MMS22L: variants seen among roughly 807,000 people sequenced by gnomAD.
The protein encoded by MMS22L is MMS22 like, DNA repair protein, also known as protein MMS22-like.
Under a neutral mutation model 159.1 loss-of-function variants are expected in MMS22L, and 74 were observed. The observed-to-expected ratio is 0.47, with a 90% confidence interval of 0.39 to 0.56. MMS22L has a LOEUF of 0.56. Among genes scored for constraint, MMS22L ranks in the 20% least tolerant of loss-of-function variants. The probability of loss-of-function intolerance (pLI) is 0.00; values close to 1 mark genes in which losing one functional copy is unlikely to be tolerated. For missense variants in MMS22L, 1,351 were observed against 1,422.1 expected, an observed-to-expected ratio of 0.95 and a Z score of 0.80; for synonymous variants, 517 against 506.9, an observed-to-expected ratio of 1.02 and a Z score of -0.27.
At chr6:97,278,024 A>G (rs1168304812) in intron 4 of MMS22L, among the ~76,000 whole-genome samples, 2 of 152,204 alleles carry the variant, frequency 1.3e-5, no homozygotes, top group African/African-American at 4.8e-5. Flanking sequence ...TGACAAGGCC[A>G]TGATTCTAAA....
chr6:97,185,132 G>A (rs1025163615), intron 15 of MMS22L, among the ~76,000 whole-genome samples: 5 of 151,774 alleles, frequency 3.3e-5, no homozygotes, highest in African/African-American at 1.2e-4. Flanking sequence ...AATCACAACT[G>A]CCTCTGGCCT....
chr6:97,168,134 T>C lies in MMS22L; in HGVS notation c.2946A>G (p.Gln982=). 1 of 1,613,282 alleles carries C rather than the reference T, an allele frequency of 6.2e-7. No homozygotes were observed. The highest frequency in any genetic ancestry group is 1.1e-5 in the South Asian group (1 of 91,024). Residue 982 remains glutamine, a synonymous_variant, in exon 20 of 25, where the codon CAA becomes CAG. Transcript: ENST00000683635. ...CLLLPHAVLQ[Q]EKELPAPMLS... is the part of the protein sequence containing the mutation. ...ACATAGGTGCAGGCAGTTCCTTCTC[T>C]TGCTGTAATACTGCATGTGGCAGCA... is the stretch of plus-strand genomic sequence containing the variant.
chr6:97,153,364 CTTTTTTTTTTT>C (rs59258093), intron 22 of MMS22L, among the ~76,000 whole-genome samples: 4,483 of 78,650 alleles, frequency 0.057, 113 homozygotes, highest in Middle Eastern at 0.17. Context: ...CTCTACAGAT[CTTTTTTTTTTT>C]TTTTTTTTTT....
intron 18 of MMS22L, among the ~76,000 whole-genome samples, chr6:97,177,355 T>TTGG (rs2128264637): frequency 6.6e-6 from 1 of 152,294 alleles, no homozygotes; most frequent in Non-Finnish European, 1.5e-5. Flanking sequence ...ATTTTAGTCT[T>TTGG]TGTGTATGTC....
intron 24 of MMS22L, among the ~76,000 whole-genome samples, chr6:97,148,308 ATTG>A (rs1801011333): frequency 6.6e-6 from 1 of 152,196 alleles, no homozygotes; most frequent in African/African-American, 2.4e-5. Context: ...TTTACTTTTT[ATTG>A]TTATTTTAGA....
At chr6:97,227,541 A>T (rs181101651) in intron 14 of MMS22L, among the ~76,000 whole-genome samples, 90 of 152,360 alleles carry the variant, frequency 5.9e-4, no homozygotes, top group African/African-American at 2.1e-3. Context: ...AAATAAAACA[A>T]AGTTGGCATT....
rs1247382659 is a variant in MMS22L, at chr6:97,144,088, A to G, written c.*2718T>C. On this transcript the variant is annotated 3_prime_UTR_variant, in exon 25 of 25. Coordinates refer to ENST00000683635, the MANE Select transcript of MMS22L (RefSeq NM_001350599.2). ...ACAGAGCAAGACTCTGCCTCAAAAC[A>G]ACAACAACAACAACAACAAAAAAAA... is the stretch of plus-strand genomic sequence containing the variant. 8.8e-6 allele frequency: 1 copy of G among 113,766 alleles called. No individual in the cohort carries two copies. The highest frequency in any genetic ancestry group is 1.8e-5 in the Non-Finnish European group (1 of 55,916). 7.0% of individuals were successfully genotyped at this position (113,766 alleles called of 1,614,324 possible).
At chr6:97,196,237 G>C (rs1377674133) in intron 14 of MMS22L, among the ~76,000 whole-genome samples, 2 of 152,066 alleles carry the variant, frequency 1.3e-5, no homozygotes, top group Admixed American at 6.6e-5. Context: ...GGTATGTAAA[G>C]AGTAAAAAAC....
rs781320869 is a variant in MMS22L at position 97,272,687 on chromosome 6, A to C, written c.606+17T>G. Reference sequence around the variant, plus strand: ...GAAAAAGCTGATAATTTAAAAATCAAATGAAACAAGTCAAACCTTAATCTG... The same window carrying C: ...GAAAAAGCTGATAATTTAAAAATCACATGAAACAAGTCAAACCTTAATCTG... On this transcript the variant is annotated intron_variant, in intron 6 of 24. Coordinates refer to ENST00000683635, the MANE Select transcript of MMS22L (RefSeq NM_001350599.2). 1 of 1,590,796 alleles carries C rather than the reference A, an allele frequency of 6.3e-7. No homozygotes were observed. The highest frequency in any genetic ancestry group is 2.2e-5 in the East Asian group (1 of 44,646).
chr6:97,254,765 A>C (rs766456017), intron 9 of MMS22L, 32 bp from the exon 10 acceptor site: 6 of 1,514,208 alleles, frequency 4.0e-6, no homozygotes, highest in East Asian at 4.6e-5. Flanking sequence ...GATTCCATTA[A>C]GACAGTTTCA....
In MMS22L at chr6:97,186,678, T is replaced by C. The variant is rs139160815; in HGVS notation, c.2052A>G (p.Gln684=). ...CCCTTTGAAGTTCCTGACACAATTG[T>C]TGATGCATACTCCTAAAAAGAAATA... The part of the protein sequence containing the change: ...AVLARIRSMH[Q]QLCQELQRDN... The change falls in exon 15 of 25, where the codon CAA becomes CAG. Residue 684 remains glutamine (Q), a synonymous_variant. Coordinates refer to ENST00000683635, the MANE Select transcript of MMS22L (RefSeq NM_001350599.2). 1.0e-5 allele frequency: 16 copies of C among 1,556,264 alleles called. No individual in the cohort carries two copies. In the African/African-American group the frequency reaches 1.5e-4, roughly 15 times the overall value.
intron 11 of MMS22L, among the ~76,000 whole-genome samples, chr6:97,236,904 T>C (rs957622677): frequency 1.4e-5 from 2 of 148,018 alleles, no homozygotes; most frequent in Non-Finnish European, 3.0e-5. Context: ...TGAGCCGAAA[T>C]AGCGCTACTG....
chr6:97,180,407 C>T (rs1222459915), intron 16 of MMS22L, among the ~76,000 whole-genome samples: 2 of 152,068 alleles, frequency 1.3e-5, no homozygotes, highest in African/African-American at 4.8e-5. Flanking sequence ...GGCCACTAAA[C>T]CTGATTTCTA....
intron 8 of MMS22L, chr6:97,265,200 C>T (rs1363682003): frequency 6.6e-6 from 1 of 152,144 alleles, no homozygotes; most frequent in Non-Finnish European, 1.5e-5. Flanking sequence ...CAAACAGACA[C>T]AGAACAAAAC....
chr6:97,146,972 TCATC>T (rs1379433362), intron 24 of MMS22L, 85 bp from the exon 25 acceptor site: 33 of 895,750 alleles, frequency 3.7e-5, no homozygotes, highest in South Asian at 1.1e-4. Flanking sequence ...AGTCTGCCCA[TCATC>T]CATCCATCCA....
intron 11 of MMS22L, 131 bp downstream of exon 11, chr6:97,246,497 G>A: frequency 1.5e-6 from 1 of 654,596 alleles, no homozygotes; most frequent in Non-Finnish European, 2.6e-6. Flanking sequence ...AAACTACTGT[G>A]AGTTAACCCT....
intron 14 of MMS22L, among the ~76,000 whole-genome samples, chr6:97,213,452 C>T (rs1286083347): frequency 6.6e-6 from 1 of 152,066 alleles, no homozygotes; most frequent in Admixed American, 6.6e-5. Flanking sequence ...TATAATCCCA[C>T]TTTTGTCCCC....
At chr6:97,279,822 A>G (rs143319770) in intron 3 of MMS22L, among the ~76,000 whole-genome samples, 112 of 152,252 alleles carry the variant, frequency 7.4e-4, no homozygotes, top group Non-Finnish European at 1.3e-3. Flanking sequence ...TACATAAAAC[A>G]TTCTAGGTTA....
At chr6:97,199,355 CAA>C (rs1183463432) in intron 14 of MMS22L, among the ~76,000 whole-genome samples, 2 of 152,042 alleles carry the variant, frequency 1.3e-5, no homozygotes, top group Non-Finnish European at 2.9e-5. Flanking sequence ...TTAACTACAT[CAA>C]CCCAAATGTT....
Sources: gnomAD v4.1 joint callset for allele counts (sites outside exome capture counted in the v4.1 genomes callset) on GRCh38, gnomAD v4.1.1 for gene constraint, MANE v1.5 for transcripts, NCBI Gene and HGNC (gene_info 2026-07-23, HGNC 2026-07-21) for gene names.